The following CNTNAP2 variants were observed in gnomAD, a reference collection of about 807,000 sequenced individuals.
CNTNAP2 encodes the protein contactin associated protein 2, also known as contactin-associated protein-like 2.
In CNTNAP2, 98 loss-of-function variants were observed where a neutral mutation model predicts 155.2. The observed-to-expected ratio is 0.63, with a 90% CI of 0.54 to 0.75. The LOEUF (loss-of-function observed/expected upper bound fraction) is 0.75, where lower values mean the gene tolerates loss of function less well. CNTNAP2 is among the 30% of genes least tolerant of loss of function. The pLI is 0.00. For missense variants in CNTNAP2, 1,727 were observed against 1,688.1 expected (o/e 1.02, Z -0.40); for synonymous variants, 651 against 631.2 (o/e 1.03, Z -0.47).
intron 15 of CNTNAP2, among the ~76,000 whole-genome samples, chr7:147,998,103 C>CTTTTTTT (rs71188938): frequency 1.2e-3 from 90 of 75,812 alleles, no homozygotes; most frequent in Non-Finnish European, 1.5e-3. Context: ...TTTCTTTTTT[C>CTTTTTTT]TTTTTTTTTT....
intron 17 of CNTNAP2, among the ~76,000 whole-genome samples, chr7:148,168,251 A>G: frequency 3.3e-5 from 5 of 151,738 alleles, no homozygotes; most frequent in African/African-American, 1.2e-4. Flanking sequence ...TGCTATAAAG[A>G]CACATGCACA....
At chr7:146,442,205 T>G (rs1027296605) in intron 1 of CNTNAP2, among the ~76,000 whole-genome samples, 1 of 151,844 alleles carries the variant, frequency 6.6e-6, no homozygotes, top group South Asian at 2.1e-4. Context: ...TATTTTTCTT[T>G]TACACTTTAG....
chr7:146,636,465 G>A (rs562830539), intron 1 of CNTNAP2, among the ~76,000 whole-genome samples: 4 of 152,234 alleles, frequency 2.6e-5, no homozygotes, highest in African/African-American at 7.2e-5. Flanking sequence ...AATGGGCTAT[G>A]ATTTTTTCAA....
At chr7:147,971,376 A>G (rs1801332474) in intron 14 of CNTNAP2, among the ~76,000 whole-genome samples, 1 of 152,130 alleles carries the variant, frequency 6.6e-6, no homozygotes, top group Non-Finnish European at 1.5e-5. Flanking sequence ...AATTTTTAGA[A>G]AATTCATTGA....
At chr7:147,090,322 CGTGT>C (rs146882206) in intron 4 of CNTNAP2, among the ~76,000 whole-genome samples, 83 of 141,878 alleles carry the variant, frequency 5.9e-4, no homozygotes, top group South Asian at 2.1e-3. Flanking sequence ...AACATATAAG[CGTGT>C]GTGTGTGTGT....
intron 21 of CNTNAP2, among the ~76,000 whole-genome samples, chr7:148,324,275 G>A: frequency 6.6e-6 from 1 of 152,168 alleles, no homozygotes; most frequent in East Asian, 1.9e-4. Context: ...AGGAGCAGGA[G>A]CAAAGGGGCC....
intron 1 of CNTNAP2, among the ~76,000 whole-genome samples, chr7:146,676,510 CAT>C (rs1249233443): frequency 3.3e-5 from 5 of 151,700 alleles, no homozygotes; most frequent in South Asian, 2.1e-4. Context: ...GGTTTGTAAA[CAT>C]GTGTATATTA....
At chr7:147,674,974 T>C (rs879781484) in intron 13 of CNTNAP2, among the ~76,000 whole-genome samples, 1 of 152,116 alleles carries the variant, frequency 6.6e-6, no homozygotes, top group African/African-American at 2.4e-5. Context: ...TGTGTTAGTT[T>C]CCCAGGATTG....
intron 1 of CNTNAP2, among the ~76,000 whole-genome samples, chr7:146,631,420 A>G (rs1236068023): frequency 1.3e-5 from 2 of 152,168 alleles, no homozygotes; most frequent in African/African-American, 4.8e-5. Flanking sequence ...TATTATGGGC[A>G]TGCCTCCTAC....
Position 147,132,361 on chromosome 7 carries a change from G to C in CNTNAP2, c.1200G>C (p.Gln400His), listed in dbSNP as rs760012888. 43 of 1,613,692 alleles carry C rather than the reference G, an allele frequency of 2.7e-5. No individual in the cohort carries two copies. Among genetic ancestry groups the C allele is most frequent in the Non-Finnish European group, 3.1e-5 (37 of 1,179,806 alleles). The change falls in exon 8 of 24, where the codon CAG becomes CAC. Residue 400 changes from glutamine (Q) to histidine (H), a missense_variant. Transcript: ENST00000361727. ...AGGACCTGTTCTCAGTCAGTTTCCAGTTTAGGACATGGAACCCCAATGGTC... is the reference window on the plus strand; with the variant it reads ...AGGACCTGTTCTCAGTCAGTTTCCACTTTAGGACATGGAACCCCAATGGTC... ...LNQDLFSVSF[Q>H]FRTWNPNGLL...
At chr7:146,866,429 A>G (rs1420596897) in intron 3 of CNTNAP2, among the ~76,000 whole-genome samples, 1 of 152,142 alleles carries the variant, frequency 6.6e-6, no homozygotes, top group Non-Finnish European at 1.5e-5. Context: ...TAGCTCCTGC[A>G]TATTAATAAT....
At position 147,645,192 on chromosome 7, in the gene CNTNAP2, T is replaced by G. The variant is rs188869502; in HGVS notation, c.2098+5886T>G. ...TTTATGATACTAAACTGTGATTTAG[T>G]GGCTTTGAAAAGACAAGAAAACATG... is the stretch of plus-strand genomic sequence containing the variant. On this transcript the variant is annotated intron_variant, in intron 13 of 23. Transcript: ENST00000361727. 5.2e-4 allele frequency among the ~76,000 whole-genome samples: 79 copies of G among 152,320 alleles called. No homozygotes were observed. In the East Asian group the frequency reaches 0.014, roughly 27 times the overall value.
At chr7:147,247,448 C>A (rs1337735649) in intron 8 of CNTNAP2, among the ~76,000 whole-genome samples, 1 of 152,122 alleles carries the variant, frequency 6.6e-6, no homozygotes, top group African/African-American at 2.4e-5. Context: ...CTCCCAGATT[C>A]CCATTATTTC....
At chr7:148,269,594 A>G (rs1796738554) in intron 21 of CNTNAP2, among the ~76,000 whole-genome samples, 1 of 152,226 alleles carries the variant, frequency 6.6e-6, no homozygotes, top group Non-Finnish European at 1.5e-5. Context: ...AAGTTACTCA[A>G]CTAATACTGG....
intron 12 of CNTNAP2, among the ~76,000 whole-genome samples, chr7:147,570,882 T>C (rs1368134743): frequency 6.6e-6 from 1 of 152,236 alleles, no homozygotes; most frequent in African/African-American, 2.4e-5. Context: ...TTAGATTCTG[T>C]AGTACGATTT....
intron 13 of CNTNAP2, among the ~76,000 whole-genome samples, chr7:147,888,703 A>C (rs1459227298): frequency 9.5e-6 from 1 of 105,162 alleles, no homozygotes; most frequent in Non-Finnish European, 2.4e-5. Flanking sequence ...CTTCTTGACA[A>C]TGGAACCCTG....
intron 21 of CNTNAP2, among the ~76,000 whole-genome samples, chr7:148,361,470 G>T (rs1399251893): frequency 6.6e-6 from 1 of 152,084 alleles, no homozygotes; most frequent in Non-Finnish European, 1.5e-5. Context: ...AGTAGGGGTG[G>T]GTCCTCTTGG....
At chr7:147,098,617 C>T (rs1042154159) in intron 4 of CNTNAP2, among the ~76,000 whole-genome samples, 8 of 152,156 alleles carry the variant, frequency 5.3e-5, no homozygotes, top group African/African-American at 1.9e-4. Context: ...CTTTTGCCAA[C>T]AATTCCTAGG....
intron 11 of CNTNAP2, among the ~76,000 whole-genome samples, chr7:147,554,795 A>G (rs186071246): frequency 2.6e-5 from 4 of 152,238 alleles, no homozygotes; most frequent in Admixed American, 2.6e-4. Flanking sequence ...TAATGAGACA[A>G]TGGTTCCTAA....
Sources: allele counts gnomAD v4.1 joint callset (sites outside exome capture counted in the v4.1 genomes callset), GRCh38; gene constraint gnomAD v4.1.1; transcripts MANE v1.5; gene names NCBI Gene and HGNC (gene_info 2026-07-23, HGNC 2026-07-21).